Variants in CCDC178 observed in about 807,000 individuals in gnomAD.
The protein encoded by CCDC178 is coiled-coil domain containing 178, also known as coiled-coil domain-containing protein 178.
CCDC178 carries 126 observed loss-of-function variants against 117.4 expected under a neutral mutation model. The ratio of observed to expected loss-of-function variants is 1.07; its 90% CI spans 0.93 to 1.24. The LOEUF (loss-of-function observed/expected upper bound fraction) is 1.24. Among genes scored for constraint, CCDC178 ranks in the 50% most tolerant of loss-of-function variants. The probability of loss-of-function intolerance (pLI) is 0.00; values close to 1 mark genes in which losing one functional copy is unlikely to be tolerated. For missense variants in CCDC178, 1,030 were observed against 986.9 expected, an observed-to-expected ratio of 1.04 and a Z score of -0.59; for synonymous variants, 283 against 313.4, an observed-to-expected ratio of 0.90 and a Z score of 1.02.
At chr18:33,242,322 A>G (rs940951437) in intron 15 of CCDC178, among the ~76,000 whole-genome samples, 2 of 151,874 alleles carry the variant, frequency 1.3e-5, no homozygotes, top group Admixed American at 1.3e-4. Context: ...CATAGGATAA[A>G]TGCTTCAGAA....
At chr18:33,043,846 T>C (rs1489103443) in intron 21 of CCDC178, among the ~76,000 whole-genome samples, 1 of 151,990 alleles carries the variant, frequency 6.6e-6, no homozygotes, top group African/African-American at 2.4e-5. Flanking sequence ...TAGCACATTT[T>C]ATCCTCTCTC....
Position 33,226,856 on chromosome 18 carries a change from C to A in CCDC178, c.1594-1G>T. 1 of 1,541,422 alleles carries A rather than the reference C, an allele frequency of 6.5e-7. No individual in the cohort carries two copies. ...GTTTTTTCAGGAATTCTTCTCTACC[C>A]TATATGTTAGGAAATTTTTAAAATG... On this transcript the variant is annotated splice_acceptor_variant, in intron 15 of 22. Transcript: ENST00000383096. LOFTEE classifies it high-confidence loss of function.
intron 3 of CCDC178, among the ~76,000 whole-genome samples, chr18:33,406,348 A>C (rs894573915): frequency 6.6e-6 from 1 of 152,088 alleles, no homozygotes; most frequent in Non-Finnish European, 1.5e-5. Flanking sequence ...TAGAAAATAC[A>C]GCAATTGTCA....
intron 21 of CCDC178, among the ~76,000 whole-genome samples, chr18:33,024,627 CTT>C (rs2056186898): frequency 6.6e-6 from 1 of 151,762 alleles, no homozygotes; most frequent in South Asian, 2.1e-4. Flanking sequence ...AATAGGAACA[CTT>C]ATTTATTATT....
chr18:33,151,035 G>A (rs1357717404), intron 20 of CCDC178, among the ~76,000 whole-genome samples: 2 of 152,186 alleles, frequency 1.3e-5, no homozygotes, highest in African/African-American at 4.8e-5. Context: ...ATAAGTGGGA[G>A]TTAAGCTATG....
chr18:33,089,060 TCTC>T (rs2057424448), intron 21 of CCDC178, among the ~76,000 whole-genome samples: 1 of 151,924 alleles, frequency 6.6e-6, no homozygotes, highest in Non-Finnish European at 1.5e-5. Context: ...GAAAATTAAA[TCTC>T]CTCCAAATAA....
At chr18:33,234,558 G>A (rs565577107) in intron 15 of CCDC178, among the ~76,000 whole-genome samples, 2 of 152,080 alleles carry the variant, frequency 1.3e-5, no homozygotes, top group South Asian at 4.1e-4. Flanking sequence ...GAAAGTGTAG[G>A]GAACTCTTAA....
chr18:33,074,450 T>A (rs1373470769), intron 21 of CCDC178, among the ~76,000 whole-genome samples: 1 of 152,306 alleles, frequency 6.6e-6, no homozygotes, highest in Middle Eastern at 3.4e-3. Context: ...CTGTGTTTGG[T>A]TTCTTTTGCT....
At chr18:33,391,421 T>C (rs1034574957) in intron 4 of CCDC178, among the ~76,000 whole-genome samples, 2 of 152,024 alleles carry the variant, frequency 1.3e-5, no homozygotes, top group Non-Finnish European at 2.9e-5. Context: ...AATAACAAAA[T>C]GACATACAGG....
At chr18:33,354,862 G>A (rs577525595) in intron 7 of CCDC178, among the ~76,000 whole-genome samples, 87 of 152,136 alleles carry the variant, frequency 5.7e-4, no homozygotes, top group Middle Eastern at 6.8e-3. Context: ...CACCCGCCTT[G>A]GCCTCCCAAA....
chr18:33,249,224 T>G (rs1440365049), intron 14 of CCDC178, among the ~76,000 whole-genome samples: 5 of 152,148 alleles, frequency 3.3e-5, no homozygotes, highest in African/African-American at 9.7e-5. Context: ...GGTTGCCTGT[T>G]CACTCTGATG....
intron 20 of CCDC178, among the ~76,000 whole-genome samples, chr18:33,168,241 A>C (rs1473477222): frequency 1.3e-5 from 2 of 152,134 alleles, no homozygotes; most frequent in Admixed American, 1.3e-4. Flanking sequence ...TCTTTAATCC[A>C]TCTTGAGTTA....
At chr18:33,122,604 T>C (rs974752689) in intron 20 of CCDC178, among the ~76,000 whole-genome samples, 7 of 152,120 alleles carry the variant, frequency 4.6e-5, no homozygotes, top group African/African-American at 1.2e-4. Context: ...TGTGAGATCA[T>C]AGTCTTCTAA....
At chr18:33,212,505 A>G (rs1314168367) in intron 19 of CCDC178, among the ~76,000 whole-genome samples, 4 of 152,008 alleles carry the variant, frequency 2.6e-5, no homozygotes, top group African/African-American at 4.8e-5. Context: ...GCCAACAGCC[A>G]TAGTGGAGAG....
At chr18:33,087,566 T>TTGTGTGTGTGTGTG (rs57033642) in intron 21 of CCDC178, among the ~76,000 whole-genome samples, 50 of 146,130 alleles carry the variant, frequency 3.4e-4, no homozygotes, top group African/African-American at 7.8e-4. Context: ...CCAAAGCCAT[T>TTGTGTGTGTGTGTG]TGTGTGTGTG....
At chr18:33,146,183 CACTGGAA>C (rs564592795) in intron 20 of CCDC178, among the ~76,000 whole-genome samples, 1 of 152,148 alleles carries the variant, frequency 6.6e-6, no homozygotes, top group Non-Finnish European at 1.5e-5. Context: ...GAATTCGAAA[CACTGGAA>C]ACTGGAAACT....
intron 15 of CCDC178, among the ~76,000 whole-genome samples, chr18:33,243,165 T>G (rs1487729385): frequency 2.6e-5 from 4 of 151,898 alleles, no homozygotes; most frequent in Non-Finnish European, 5.9e-5. Flanking sequence ...AGTTAAATAC[T>G]ACATAATCTC....
chr18:33,316,718 C>T (rs998077174), intron 11 of CCDC178, among the ~76,000 whole-genome samples: 4 of 152,134 alleles, frequency 2.6e-5, no homozygotes, highest in African/African-American at 4.8e-5. Context: ...TGTAAACACA[C>T]CAATCAGCAC....
chr18:33,081,964 T>G (rs958003106), intron 21 of CCDC178, among the ~76,000 whole-genome samples: 1 of 152,202 alleles, frequency 6.6e-6, no homozygotes, highest in African/African-American at 2.4e-5. Flanking sequence ...GTATTTTTAA[T>G]GTCTATCTGT....
Sources: allele counts gnomAD v4.1 joint callset (sites outside exome capture counted in the v4.1 genomes callset), GRCh38; gene constraint gnomAD v4.1.1; transcripts MANE v1.5; gene names NCBI Gene and HGNC (gene_info 2026-07-23, HGNC 2026-07-21).